PROM2: variants seen among roughly 807,000 people sequenced by gnomAD.
PROM2 encodes the protein prominin-2.
PROM2 carries 90 observed loss-of-function variants against 110.2 expected under a neutral mutation model. The observed-to-expected ratio is 0.82, with a 90% CI of 0.69 to 0.97. The LOEUF (loss-of-function observed/expected upper bound fraction) is 0.97. Ranked by LOEUF, PROM2 falls within the 50% of genes least tolerant of loss-of-function variation. The pLI, the probability that PROM2 is intolerant of heterozygous loss-of-function variation, is 0.00. For synonymous variants in PROM2, 470 were observed against 467.8 expected, an observed-to-expected ratio of 1.00 and a Z score of -0.06; for missense variants, 1,009 against 1,074.8, an observed-to-expected ratio of 0.94 and a Z score of 0.86.
chr2:95,274,767 A>T lies in PROM2; in HGVS notation c.182A>T (p.Asp61Val). The change falls in exon 1 of 24, where the codon GAC becomes GTC. Residue 61 changes from aspartate to valine, a missense_variant. Asp to Val is a radical substitution (Grantham distance 152). Transcript: ENST00000317620. The stretch of plus-strand genomic sequence containing the variant: ...CGAGTTCGTGCGCCAGGACTCCTGG[A>T]CTCCCTCTATGGCACCGTGCGCCGC... ...APRVRAPGLL[D>V]SLYGTVRRFL... The T allele has an allele frequency of 6.2e-7, 1 of 1,605,868 alleles. No homozygotes were observed. Among genetic ancestry groups the T allele is most frequent in the East Asian group, 2.2e-5 (1 of 44,564 alleles).
Position 95,288,609 on chromosome 2 carries a change from G to A in PROM2, c.2441+20G>A. The A allele has an allele frequency of 6.3e-7, 1 of 1,596,618 alleles. No homozygotes were observed. Reference sequence around the variant, plus strand: ...CCTCAGGTGAGGGGCTGCCAGGGCTGCAGGCAGCATCAGGGGCCAGGGAGG... The same window carrying A: ...CCTCAGGTGAGGGGCTGCCAGGGCTACAGGCAGCATCAGGGGCCAGGGAGG... On this transcript the variant is annotated intron_variant, in intron 22 of 23. Transcript: ENST00000317620.
In PROM2 at chr2:95,285,027, A is replaced by C. The variant is rs774569766; in HGVS notation, c.1787A>C (p.Asp596Ala). The change falls in exon 15 of 24, where the codon GAC becomes GCC. Residue 596 changes from aspartate to alanine, a missense_variant. Physicochemically the swap from Asp to Ala is moderately radical, Grantham distance 126. Transcript: ENST00000317620. ...CTGAAAGTAGACACACAGAGCCTGG[A>C]CCTGCTGAGCTCAGCCGCCCGCCGG... ...QSLKVDTQSL[D>A]LLSSAARRDL... is the part of the protein sequence containing the mutation. The C allele has an allele frequency of 1.2e-6, 2 of 1,604,342 alleles. No individual in the cohort carries two copies. Among genetic ancestry groups the C allele is most frequent in the East Asian group, 2.2e-5 (1 of 44,620 alleles).
intron 14 of PROM2, among the ~76,000 whole-genome samples, chr2:95,282,721 G>A (rs1328138006): frequency 6.6e-6 from 1 of 152,188 alleles, no homozygotes; most frequent in Non-Finnish European, 1.5e-5. Context: ...GGAACTTGGT[G>A]TGTAGAACTG....
Position 95,277,411 on chromosome 2 carries a change from G to C in PROM2, c.820G>C (p.Val274Leu). Reference protein sequence around the residue: ...HHLQTLNATVVELQAGQQDLE... With the variant: ...HHLQTLNATVLELQAGQQDLE... Reference sequence around the variant, plus strand: ...CCTGCAAACCTTGAATGCTACAGTGGTAGAGCTGCAGGCCGGGCAGCAGGA... The same window carrying C: ...CCTGCAAACCTTGAATGCTACAGTGCTAGAGCTGCAGGCCGGGCAGCAGGA... Residue 274 changes from valine (V) to leucine (L), a missense_variant, in exon 7 of 24, where the codon GTA becomes CTA. Transcript: ENST00000317620. 6.2e-7 allele frequency: 1 copy of C among 1,613,146 alleles called. No homozygotes were observed. Among genetic ancestry groups the C allele is most frequent in the Non-Finnish European group, 8.5e-7 (1 of 1,179,794 alleles).
At chr2:95,274,879 C>A (rs200313492) in intron 1 of PROM2, 50 bp downstream of exon 1, 1 of 1,491,808 alleles carries the variant, frequency 6.7e-7, no homozygotes, top group Non-Finnish European at 8.9e-7. Context: ...GTCCCCAGCC[C>A]GGCTTCCTCT....
Position 95,275,826 on chromosome 2 carries a change from C to G in PROM2, c.295-104C>G. 1 of 1,525,402 alleles carries G rather than the reference C, an allele frequency of 6.6e-7. No homozygotes were observed. The highest frequency in any genetic ancestry group is 8.8e-7 in the Non-Finnish European group (1 of 1,140,134). The allele number at this position is 1,525,402 out of a possible 1,614,324, so 94.5% of individuals were successfully genotyped here. On this transcript the variant is annotated intron_variant, in intron 2 of 23. Transcript: ENST00000317620. The surrounding 1 kb of genome is among the most constrained non-coding windows in gnomAD (Gnocchi z 4.4). ...GGTTCCATGAGATGCAGGCCATGCC[C>G]CTGACGGCACTCCCGCCCCTTCTGG...
In PROM2 at chr2:95,279,898, A is replaced by G. The variant is rs760007050; in HGVS notation, c.1328A>G (p.Asn443Ser). 1 of 1,559,078 alleles carries G rather than the reference A, an allele frequency of 6.4e-7. No individual in the cohort carries two copies. ...GTGGTCCTATTCGTGGTGCTCTGCA[A>G]CCTGCTGGGCCTCAATCTGGGCATC... ...CSVVLFVVLCNLLGLNLGIWG... is the reference protein window; with the variant it reads ...CSVVLFVVLCSLLGLNLGIWG... Residue 443 changes from asparagine to serine, a missense_variant, in exon 11 of 24, where the codon AAC becomes AGC. Physicochemically the swap from Asn to Ser is conservative, Grantham distance 46. Transcript: ENST00000317620.
chr2:95,288,148 A>C (rs1345437515), intron 20 of PROM2, 63 bp from the exon 21 acceptor site: 3 of 1,533,342 alleles, frequency 2.0e-6, no homozygotes, highest in Non-Finnish European at 2.7e-6. Context: ...CCTGAATTGA[A>C]TATGGGTGTG....
intron 20 of PROM2, among the ~76,000 whole-genome samples, chr2:95,287,675 T>C (rs532293631): frequency 7.2e-5 from 11 of 152,242 alleles, no homozygotes; most frequent in African/African-American, 2.6e-4. Flanking sequence ...CTGAGCTGAG[T>C]GTGAGCAGGG....
chr2:95,278,843 AGGGAGGCTTGTTGAGAGAGGACTG>A, intron 9 of PROM2, 59 bp downstream of exon 9: 1 of 1,610,732 alleles, frequency 6.2e-7, no homozygotes, highest in Non-Finnish European at 8.5e-7. Context: ...CACCCCTACC[AGGGAGGCTTGTTGAGAGAGGACTG>A]GGGTGGCGGG....
rs1676767100 is a variant in PROM2, at chr2:95,277,869, T to G, written c.976-61T>G. The G allele has an allele frequency of 2.1e-6, 3 of 1,448,014 alleles. No individual in the cohort carries two copies. In the Admixed American group the frequency reaches 5.2e-5, roughly 25 times the overall value. 89.7% of individuals were successfully genotyped at this position (1,448,014 alleles called of 1,614,324 possible). A position where few individuals can be genotyped will look rare whatever the true frequency, so the allele number is the denominator to read the frequency against. ...AGGCCCCTGCCCCCCTCATCCACCC[T>G]CAGGGATCCCCTTCAGGCCTCTCCA... On this transcript the variant is annotated intron_variant, in intron 7 of 23. Transcript: ENST00000317620.
chr2:95,291,057 A>G lies in PROM2; in HGVS notation c.*1844A>G, dbSNP rs1677658011. 6.6e-6 allele frequency: 1 copy of G among 152,270 alleles called. No homozygotes were observed. Among genetic ancestry groups the G allele is most frequent in the African/African-American group, 2.4e-5 (1 of 41,442 alleles). 9.4% of individuals were successfully genotyped at this position (152,270 alleles called of 1,614,324 possible). The stretch of plus-strand genomic sequence containing the variant: ...GAGACGGGGTTTTGCCATGTTGCCC[A>G]GGCTGGAAGTGTCTATGTTTAACTG... On this transcript the variant is annotated 3_prime_UTR_variant, in exon 24 of 24. Coordinates refer to ENST00000317620, the MANE Select transcript of PROM2 (RefSeq NM_001165978.3).
intron 9 of PROM2, 28 bp downstream of exon 9, chr2:95,278,812 G>A (rs755294416): frequency 6.2e-7 from 1 of 1,613,812 alleles, no homozygotes; most frequent in Non-Finnish European, 8.5e-7. Context: ...AGAGGCAGCT[G>A]CCAGGCATGG....
At position 95,281,742 on chromosome 2, in the gene PROM2, C is replaced by A. The variant is rs560288100; in HGVS notation, c.1552-183C>A. 9.1e-4 allele frequency among the ~76,000 whole-genome samples: 138 copies of A among 152,170 alleles called. 1 individual carries two copies. Among genetic ancestry groups the A allele is most frequent in the African/African-American group, 3.3e-3 (135 of 41,510 alleles). On this transcript the variant is annotated intron_variant, in intron 12 of 23. Coordinates refer to ENST00000317620, the MANE Select transcript of PROM2 (RefSeq NM_001165978.3). ...CCTCCTAGGGATTCATGGGAAGAGC[C>A]CCTGTAAGGATTTGGGGCCCAGGGG...
At chr2:95,277,324 A>C in intron 6 of PROM2, 40 bp from the exon 7 acceptor site, 1 of 1,566,604 alleles carries the variant, frequency 6.4e-7, no homozygotes. Flanking sequence ...CTGGGGATGC[A>C]TATGGTGGAC....
chr2:95,278,197 C>G (rs1676791559), intron 8 of PROM2, 193 bp downstream of exon 8: 1 of 604,838 alleles, frequency 1.7e-6, no homozygotes, highest in African/African-American at 1.9e-5. Flanking sequence ...GAGCTGGGCC[C>G]TTCAAGGCGG....
chr2:95,288,083 T>G, intron 20 of PROM2, 128 bp from the exon 21 acceptor site: 1 of 802,414 alleles, frequency 1.2e-6, no homozygotes, highest in Non-Finnish European at 2.1e-6. Context: ...TATACAAGTG[T>G]GCGGTGGCCC....
intron 11 of PROM2, among the ~76,000 whole-genome samples, chr2:95,280,334 T>A (rs562864141): frequency 9.2e-5 from 14 of 152,182 alleles, no homozygotes; most frequent in Non-Finnish European, 1.3e-4. Context: ...GGCTGCCACA[T>A]ACAGTTGTAC....
rs1327448259 is a variant in PROM2 at position 95,283,261 on chromosome 2, G to A, written c.1728+1035G>A. Among the ~76,000 whole-genome samples, 4 of 152,250 alleles carry A rather than the reference G, an allele frequency of 2.6e-5. No homozygotes were observed. The South Asian group carries it at 8.3e-4, about 32-fold the overall frequency. ...GGCAGGAAGCCATGGCTCTCGAGGGGAGGAGTCCTGGGCTCTGGTCCTTGG... is the reference window on the plus strand; with the variant it reads ...GGCAGGAAGCCATGGCTCTCGAGGGAAGGAGTCCTGGGCTCTGGTCCTTGG... On this transcript the variant is annotated intron_variant, in intron 14 of 23. Coordinates refer to ENST00000317620, the MANE Select transcript of PROM2 (RefSeq NM_001165978.3).
Sources: gnomAD v4.1 joint callset for allele counts (sites outside exome capture counted in the v4.1 genomes callset) on GRCh38, gnomAD v4.1.1 for gene constraint, Gnocchi (gnomAD v3.1) non-coding constraint, MANE v1.5 for transcripts, NCBI Gene and HGNC (gene_info 2026-07-23, HGNC 2026-07-21) for gene names.